The following DLGAP1 variants were observed in gnomAD, a reference collection of about 807,000 sequenced individuals.
DLGAP1 encodes the protein disks large-associated protein 1.
DLGAP1 carries 11 observed loss-of-function variants against 90.8 expected under a neutral mutation model. The observed-to-expected ratio is 0.12, with a 90% CI of 0.08 to 0.20. The LOEUF is 0.20. Ranked by LOEUF, DLGAP1 falls within the 10% of genes least tolerant of loss-of-function variation. DLGAP1 has a pLI of 1.00. For missense variants in DLGAP1, 1,050 were observed against 1,333.8 expected (o/e 0.79, Z 3.31); for synonymous variants, 558 against 540.7 (o/e 1.03, Z -0.44).
intron 7 of DLGAP1, among the ~76,000 whole-genome samples, chr18:3,596,228 C>T (rs1272880973): frequency 4.6e-5 from 7 of 151,972 alleles, no homozygotes; most frequent in Middle Eastern, 3.2e-3. Flanking sequence ...GGTGCGATCT[C>T]GGCTCACTGC....
At chr18:4,201,665 T>C (rs922518491) in intron 1 of DLGAP1, among the ~76,000 whole-genome samples, 1 of 151,590 alleles carries the variant, frequency 6.6e-6, no homozygotes, top group Non-Finnish European at 1.5e-5. Context: ...ATGGAAAAGA[T>C]GTGAACAGAC....
intron 2 of DLGAP1, among the ~76,000 whole-genome samples, chr18:4,110,814 T>A (rs2075959237): frequency 6.6e-6 from 1 of 152,208 alleles, no homozygotes; most frequent in African/African-American, 2.4e-5. Context: ...TTTGCACATT[T>A]TGTTAATTTA....
chr18:3,580,417 A>G lies in DLGAP1; in HGVS notation c.1965+1458T>C, dbSNP rs112158796. ...ACCAGGTGGACAGCTCCACAGCCCA[A>G]TGTCTCCTCTGTGGTTTGTGCTACA... On this transcript the variant is annotated intron_variant, in intron 8 of 12. Transcript: ENST00000315677. 3.3e-3 allele frequency: 5,315 copies of G among 1,613,612 alleles called. 150 individuals are homozygous for G. In the African/African-American group the frequency reaches 0.058, roughly 18 times the overall value.
At chr18:3,876,205 C>G (rs2070999429) in intron 4 of DLGAP1, among the ~76,000 whole-genome samples, 1 of 133,484 alleles carries the variant, frequency 7.5e-6, no homozygotes, top group Non-Finnish European at 1.6e-5. Flanking sequence ...TTCCTAGAAG[C>G]AAGAAGGGAG....
In DLGAP1 at chr18:4,280,154, T is replaced by C. The variant is rs1473775747; in HGVS notation, c.-266-128867A>G. 3.9e-5 allele frequency among the ~76,000 whole-genome samples: 6 copies of C among 152,208 alleles called. No homozygotes were observed. The East Asian group carries it at 1.2e-3, about 29-fold the overall frequency. On this transcript the variant is annotated intron_variant, in intron 1 of 12. Transcript: ENST00000315677. The stretch of plus-strand genomic sequence containing the variant: ...TTTCTGACATTCGATAAAATCTTAA[T>C]ATCTGTATAAGTTGATTAAAAAAAT...
Position 4,383,217 on chromosome 18 carries a change from G to A in DLGAP1, c.-267+71789C>T, listed in dbSNP as rs79557292. ...AACAAAACATTAAAACATTACCTGGGGAATAATGTTCTAATATTCATCTAA... is the reference window on the plus strand; with the variant it reads ...AACAAAACATTAAAACATTACCTGGAGAATAATGTTCTAATATTCATCTAA... On this transcript the variant is annotated intron_variant, in intron 1 of 12. Coordinates refer to ENST00000315677, the MANE Select transcript of DLGAP1 (RefSeq NM_004746.4). The surrounding 1 kb of genome is among the most constrained non-coding windows in gnomAD (Gnocchi z 4.0). Among the ~76,000 whole-genome samples, 2 of 151,894 alleles carry A rather than the reference G, an allele frequency of 1.3e-5. No homozygotes were observed. Among genetic ancestry groups the A allele is most frequent in the East Asian group, 3.9e-4 (2 of 5,174 alleles).
At chr18:4,262,941 A>T (rs929776466) in intron 1 of DLGAP1, among the ~76,000 whole-genome samples, 17 of 149,660 alleles carry the variant, frequency 1.1e-4, no homozygotes, top group South Asian at 2.1e-4. Context: ...TTATTTTATT[A>T]TTTTTTTTTT....
intron 2 of DLGAP1, among the ~76,000 whole-genome samples, chr18:4,060,601 T>C (rs1002283069): frequency 2.6e-5 from 4 of 152,166 alleles, no homozygotes; most frequent in African/African-American, 9.7e-5. Flanking sequence ...AGTATGTACA[T>C]AACTTCCTCA....
chr18:4,002,464 G>A (rs2074213172), intron 3 of DLGAP1, among the ~76,000 whole-genome samples: 1 of 152,028 alleles, frequency 6.6e-6, no homozygotes, highest in Middle Eastern at 3.4e-3. Context: ...TCAACGTGAG[G>A]ATATGGATAA....
At chr18:4,295,741 T>C (rs534911060) in intron 1 of DLGAP1, among the ~76,000 whole-genome samples, 1 of 152,328 alleles carries the variant, frequency 6.6e-6, no homozygotes, top group Admixed American at 6.5e-5. Flanking sequence ...ACCTACCTCT[T>C]AGCACTGTTT....
intron 2 of DLGAP1, among the ~76,000 whole-genome samples, chr18:4,100,488 A>C (rs953908247): frequency 1.3e-5 from 2 of 152,144 alleles, no homozygotes; most frequent in Non-Finnish European, 2.9e-5. Context: ...GATTTAGCCT[A>C]CCTCTTAAAG....
chr18:3,936,523 C>A (rs2072644612), intron 3 of DLGAP1, among the ~76,000 whole-genome samples: 1 of 152,192 alleles, frequency 6.6e-6, no homozygotes, highest in South Asian at 2.1e-4. Flanking sequence ...CAAGTGCCTC[C>A]ATAATTCCAT....
At chr18:4,226,849 T>A (rs956764896) in intron 1 of DLGAP1, among the ~76,000 whole-genome samples, 1 of 151,858 alleles carries the variant, frequency 6.6e-6, no homozygotes, top group Non-Finnish European at 1.5e-5. Flanking sequence ...CAAGAATAAG[T>A]CCTTACTTGT....
At chr18:4,191,270 T>A (rs111645114) in intron 1 of DLGAP1, among the ~76,000 whole-genome samples, 34 of 152,286 alleles carry the variant, frequency 2.2e-4, no homozygotes, top group African/African-American at 7.9e-4. Flanking sequence ...ACTCTATAAG[T>A]ATAAGCATAT....
At chr18:4,177,128 C>A (rs779718929) in intron 1 of DLGAP1, among the ~76,000 whole-genome samples, 3 of 152,040 alleles carry the variant, frequency 2.0e-5, no homozygotes, top group Non-Finnish European at 2.9e-5. Flanking sequence ...GCAGATTGTG[C>A]GAGGCTCCCT....
At chr18:3,754,893 TA>T (rs199726334) in intron 5 of DLGAP1, among the ~76,000 whole-genome samples, 51 of 150,720 alleles carry the variant, frequency 3.4e-4, no homozygotes, top group South Asian at 4.2e-4. Context: ...AGACTCCATC[TA>T]AAAAAAAATA....
At chr18:4,209,989 A>G (rs998046516) in intron 1 of DLGAP1, among the ~76,000 whole-genome samples, 5 of 152,136 alleles carry the variant, frequency 3.3e-5, no homozygotes, top group Non-Finnish European at 5.9e-5. Context: ...ATGGTTTTTC[A>G]TGGGACTTGA....
At chr18:4,079,734 A>T (rs1436609636) in intron 2 of DLGAP1, among the ~76,000 whole-genome samples, 1 of 151,368 alleles carries the variant, frequency 6.6e-6, no homozygotes, top group African/African-American at 2.4e-5. Flanking sequence ...CAGTGTGTGT[A>T]TGTGGAGGGT....
intron 11 of DLGAP1, among the ~76,000 whole-genome samples, chr18:3,508,289 T>C (rs999196745): frequency 1.1e-4 from 17 of 152,198 alleles, no homozygotes; most frequent in Non-Finnish European, 2.1e-4. Flanking sequence ...AGAAAAGCTA[T>C]GTGAAAGCCA....
Sources: gnomAD v4.1 joint callset for allele counts (sites outside exome capture counted in the v4.1 genomes callset) on GRCh38, gnomAD v4.1.1 for gene constraint, Gnocchi (gnomAD v3.1) non-coding constraint, MANE v1.5 for transcripts, NCBI Gene and HGNC (gene_info 2026-07-23, HGNC 2026-07-21) for gene names.